The following ANKRD13B variants were observed in gnomAD, a reference collection of about 807,000 sequenced individuals.
The protein encoded by ANKRD13B is ankyrin repeat domain 13B.
Under a neutral mutation model 74.4 loss-of-function variants are expected in ANKRD13B, and 33 were observed. The observed-to-expected ratio is 0.44, with a 90% confidence interval of 0.34 to 0.59. The LOEUF (loss-of-function observed/expected upper bound fraction) is 0.59, where lower values mean the gene tolerates loss of function less well. Among genes scored for constraint, ANKRD13B ranks in the 20% least tolerant of loss-of-function variants. ANKRD13B has a pLI of 0.02. For missense variants in ANKRD13B, 676 were observed against 877.9 expected (o/e 0.77, Z 2.91); for synonymous variants, 341 against 362.9 (o/e 0.94, Z 0.68).
At chr17:29,598,972 A>T (rs2034056979) in intron 1 of ANKRD13B, among the ~76,000 whole-genome samples, 1 of 152,168 alleles carries the variant, frequency 6.6e-6, no homozygotes, top group South Asian at 2.1e-4. Context: ...GGGAGTGGGG[A>T]ACCAGCAGTG....
At chr17:29,601,278 G>A (rs1475953032) in intron 1 of ANKRD13B, among the ~76,000 whole-genome samples, 3 of 149,988 alleles carry the variant, frequency 2.0e-5, no homozygotes, top group Admixed American at 6.7e-5. Context: ...CTGGAGTGCA[G>A]TGGTGCGATC....
intron 1 of ANKRD13B, among the ~76,000 whole-genome samples, chr17:29,605,476 A>G (rs1456401428): frequency 6.6e-6 from 1 of 152,088 alleles, no homozygotes; most frequent in Non-Finnish European, 1.5e-5. Flanking sequence ...GCATATGTAT[A>G]TATATATTTG....
chr17:29,610,440 C>T (rs2034543470), intron 7 of ANKRD13B, among the ~76,000 whole-genome samples: 2 of 152,180 alleles, frequency 1.3e-5, no homozygotes, highest in Non-Finnish European at 2.9e-5. Flanking sequence ...TCATGTTTGG[C>T]TTGTTTACTG....
Position 29,612,842 on chromosome 17 carries a change from A to G in ANKRD13B, c.1575+27A>G. On this transcript the variant is annotated intron_variant, in intron 13 of 14. Coordinates refer to ENST00000394859, the MANE Select transcript of ANKRD13B (RefSeq NM_152345.5). This position sits in a 1 kb window ranked among gnomAD's most constrained non-coding sequence, Gnocchi z 6.1. ...TGCGTCTCCGCGGGCGCGCGGGGCC[A>G]CGGGACTCCGCGCCGCCACGGCTAA... 3.1e-6 allele frequency: 5 copies of G among 1,600,394 alleles called. No homozygotes were observed. The South Asian group carries it at 5.5e-5, about 18-fold the overall frequency.
intron 1 of ANKRD13B, among the ~76,000 whole-genome samples, chr17:29,600,471 G>A (rs2034130264): frequency 1.3e-5 from 2 of 152,004 alleles, no homozygotes; most frequent in African/African-American, 4.8e-5. Flanking sequence ...GGGGTTTCAC[G>A]GATCACTGGC....
chr17:29,611,166 C>T lies in ANKRD13B; in HGVS notation c.904+400C>T, dbSNP rs776979273. ...ACCTGATTCTCTGGGTACCAGATAC[C>T]GTGTCCGAGGTGAAAAAGCATAATT... On this transcript the variant is annotated intron_variant, in intron 8 of 14. Transcript: ENST00000394859. The surrounding 1 kb of genome is among the most constrained non-coding windows in gnomAD (Gnocchi z 4.3). Among the ~76,000 whole-genome samples, 18 of 152,238 alleles carry T rather than the reference C, an allele frequency of 1.2e-4. No homozygotes were observed. The highest frequency in any genetic ancestry group is 2.4e-4 in the African/African-American group (10 of 41,522).
chr17:29,609,531 G>T lies in ANKRD13B; in HGVS notation c.822+110G>T. On this transcript the variant is annotated intron_variant, in intron 7 of 14. Coordinates refer to ENST00000394859, the MANE Select transcript of ANKRD13B (RefSeq NM_152345.5). The surrounding 1 kb of genome is among the most constrained non-coding windows in gnomAD (Gnocchi z 4.0). ...GCCCTGGAGGTACAGAAGCAATGCAGCGTGGTCAAGCACTTATATTTGGGT... is the reference window on the plus strand; with the variant it reads ...GCCCTGGAGGTACAGAAGCAATGCATCGTGGTCAAGCACTTATATTTGGGT... The T allele has an allele frequency of 7.7e-7, 1 of 1,298,748 alleles. No homozygotes were observed. Among genetic ancestry groups the T allele is most frequent in the Non-Finnish European group, 1.1e-6 (1 of 931,948 alleles). The allele number at this position is 1,298,748 out of a possible 1,614,324, so 80.5% of individuals were successfully genotyped here. A position where few individuals can be genotyped will look rare whatever the true frequency, so the allele number is the denominator to read the frequency against.
chr17:29,596,060 G>T (rs1026952633), intron 1 of ANKRD13B, among the ~76,000 whole-genome samples: 1 of 152,188 alleles, frequency 6.6e-6, no homozygotes, highest in Admixed American at 6.5e-5. Context: ...GGTACCAGCC[G>T]CCACAGAAAC....
At chr17:29,613,287 C>A in intron 14 of ANKRD13B, 67 bp from the exon 15 acceptor site, 1 of 1,387,028 alleles carries the variant, frequency 7.2e-7, no homozygotes, top group Non-Finnish European at 9.3e-7. Flanking sequence ...GCCTCCACGC[C>A]GTGTCCCGGC....
At chr17:29,600,257 G>A (rs2034120874) in intron 1 of ANKRD13B, among the ~76,000 whole-genome samples, 1 of 152,176 alleles carries the variant, frequency 6.6e-6, no homozygotes, top group South Asian at 2.1e-4. Context: ...TGGCTGTTGG[G>A]TCATATTTAA....
chr17:29,612,042 C>A lies in ANKRD13B; in HGVS notation c.1100+36C>A. 1 of 1,608,520 alleles carries A rather than the reference C, an allele frequency of 6.2e-7. No individual in the cohort carries two copies. The highest frequency in any genetic ancestry group is 8.5e-7 in the Non-Finnish European group (1 of 1,176,618). The stretch of plus-strand genomic sequence containing the variant: ...TGCCGGTGCTGGGAAGGTGGGGGGC[C>A]GGGGCTCCAGGAGATGCTGGGAGGC... On this transcript the variant is annotated intron_variant, in intron 10 of 14. Transcript: ENST00000394859. This position sits in a 1 kb window ranked among gnomAD's most constrained non-coding sequence, Gnocchi z 6.1.
intron 1 of ANKRD13B, among the ~76,000 whole-genome samples, chr17:29,603,636 G>T (rs1225291432): frequency 6.6e-6 from 1 of 152,112 alleles, no homozygotes; most frequent in African/African-American, 2.4e-5. Flanking sequence ...TTTTTAAATT[G>T]TGCAGTGTCT....
At position 29,613,654 on chromosome 17, in the gene ANKRD13B, C is replaced by T; in HGVS notation, c.*72C>T. 1 of 1,374,312 alleles carries T rather than the reference C, an allele frequency of 7.3e-7. No individual in the cohort carries two copies. The highest frequency in any genetic ancestry group is 9.4e-7 in the Non-Finnish European group (1 of 1,068,372). The allele number at this position is 1,374,312 out of a possible 1,614,324, so 85.1% of individuals were successfully genotyped here. On this transcript the variant is annotated 3_prime_UTR_variant, in exon 15 of 15. Coordinates refer to ENST00000394859, the MANE Select transcript of ANKRD13B (RefSeq NM_152345.5). ...GGCCAGGAGCCAGACAAACCCCGGC[C>T]TGCGCGCCTGCAGAGCGGCGGCTGG...
Position 29,593,658 on chromosome 17 carries a change from G to C in ANKRD13B, c.37G>C (p.Glu13Gln), listed in dbSNP as rs768824029. 208 of 1,424,348 alleles carry C rather than the reference G, an allele frequency of 1.5e-4. No homozygotes were observed. Among genetic ancestry groups the C allele is most frequent in the Non-Finnish European group, 1.3e-4 (143 of 1,077,526 alleles). The allele number at this position is 1,424,348 out of a possible 1,614,324, so 88.2% of individuals were successfully genotyped here. The change falls in exon 1 of 15, where the codon GAG becomes CAG. Residue 13 changes from glutamate to glutamine, a missense_variant. By Grantham distance (29) the Glu-to-Gln change is conservative. Coordinates refer to ENST00000394859, the MANE Select transcript of ANKRD13B (RefSeq NM_152345.5). The part of the protein sequence containing the change: ...PANASARKGP[E>Q]GKYPLHYLVW... ...CAACGCCTCCGCCAGGAAGGGGCCC[G>C]AGGGCAAGTATCCGCTGCACTACCT... is the stretch of plus-strand genomic sequence containing the variant.
rs753915573 is a variant in ANKRD13B, at chr17:29,608,273, C to G, written c.421+33C>G. The G allele has an allele frequency of 2.5e-6, 4 of 1,613,594 alleles. No individual in the cohort carries two copies. The highest frequency in any genetic ancestry group is 3.4e-6 in the Non-Finnish European group (4 of 1,179,850). On this transcript the variant is annotated intron_variant, in intron 4 of 14. Transcript: ENST00000394859. The surrounding 1 kb of genome is among the most constrained non-coding windows in gnomAD (Gnocchi z 6.4). ...GGCTGCAGCAGGTCGCTTCTGGGCTCTCCCACTTTAGGTCCTGCGCTTGCT... is the reference window on the plus strand; with the variant it reads ...GGCTGCAGCAGGTCGCTTCTGGGCTGTCCCACTTTAGGTCCTGCGCTTGCT...
chr17:29,613,671 G>C lies in ANKRD13B; in HGVS notation c.*89G>C, dbSNP rs528508387. ...ACCCCGGCCTGCGCGCCTGCAGAGCGGCGGCTGGAGACTGGAGCCACCGCC... is the reference window on the plus strand; with the variant it reads ...ACCCCGGCCTGCGCGCCTGCAGAGCCGCGGCTGGAGACTGGAGCCACCGCC... On this transcript the variant is annotated 3_prime_UTR_variant, in exon 15 of 15. Transcript: ENST00000394859. 2 of 1,373,474 alleles carry C rather than the reference G, an allele frequency of 1.5e-6. No homozygotes were observed. The highest frequency in any genetic ancestry group is 1.9e-6 in the Non-Finnish European group (2 of 1,068,214). The allele number at this position is 1,373,474 out of a possible 1,614,324, so 85.1% of individuals were successfully genotyped here. A position where few individuals can be genotyped will look rare whatever the true frequency, so the allele number is the denominator to read the frequency against.
At position 29,614,367 on chromosome 17, in the gene ANKRD13B, T is replaced by C. The variant is rs1567798701; in HGVS notation, c.*785T>C. On this transcript the variant is annotated 3_prime_UTR_variant, in exon 15 of 15. Transcript: ENST00000394859. ...GGCTGGGGTAAGCACTAGACCCAAG[T>C]AGACTGGACACAAAGGGCTCGCCCA... The C allele has an allele frequency of 2.0e-5, 3 of 152,058 alleles. No individual in the cohort carries two copies. 9.4% of individuals were successfully genotyped at this position (152,058 alleles called of 1,614,324 possible). A position where few individuals can be genotyped will look rare whatever the true frequency, so the allele number is the denominator to read the frequency against.
intron 1 of ANKRD13B, among the ~76,000 whole-genome samples, chr17:29,604,975 T>C (rs1293791847): frequency 6.6e-6 from 1 of 152,238 alleles, no homozygotes; most frequent in Non-Finnish European, 1.5e-5. Flanking sequence ...AGGCTGGAGC[T>C]TGATTATCTC....
At chr17:29,596,052 T>C (rs1374478725) in intron 1 of ANKRD13B, among the ~76,000 whole-genome samples, 2 of 152,182 alleles carry the variant, frequency 1.3e-5, no homozygotes, top group Admixed American at 6.5e-5. Flanking sequence ...GTCCCCCTGG[T>C]ACCAGCCGCC....
Sources: gnomAD v4.1 joint callset for allele counts (sites outside exome capture counted in the v4.1 genomes callset) on GRCh38, gnomAD v4.1.1 for gene constraint, Gnocchi (gnomAD v3.1) non-coding constraint, MANE v1.5 for transcripts, NCBI Gene and HGNC (gene_info 2026-07-23, HGNC 2026-07-21) for gene names.